Variants in CLASP1 observed in about 807,000 individuals in gnomAD.
CLASP1 encodes the protein CLIP-associating protein 1.
CLASP1 carries 38 observed loss-of-function variants against 192.3 expected under a neutral mutation model. The observed-to-expected ratio is 0.20, with a 90% confidence interval of 0.15 to 0.26. The LOEUF is 0.26. Among genes scored for constraint, CLASP1 ranks in the 10% least tolerant of loss-of-function variants. The pLI is 1.00. For missense variants in CLASP1, 1,433 were observed against 1,932.5 expected (o/e 0.74, Z 4.85); for synonymous variants, 691 against 712.8 (o/e 0.97, Z 0.49).
intron 2 of CLASP1, among the ~76,000 whole-genome samples, chr2:121,596,460 C>T (rs148852861): frequency 1.3e-4 from 20 of 152,192 alleles, no homozygotes; most frequent in Admixed American, 1.1e-3. Context: ...AGGACACAAG[C>T]GGGAAAATAA....
intron 35 of CLASP1, among the ~76,000 whole-genome samples, chr2:121,366,847 A>G (rs2067503005): frequency 6.6e-6 from 1 of 152,326 alleles, no homozygotes; most frequent in African/African-American, 2.4e-5. Flanking sequence ...AAAAAACACC[A>G]TTGTACAAAT....
rs532081602 is a variant in CLASP1 at position 121,612,096 on chromosome 2, G to T, written c.-285-5916C>A. Among the ~76,000 whole-genome samples, 103 of 147,222 alleles carry T rather than the reference G, an allele frequency of 7.0e-4. 1 individual carries two copies. The highest frequency in any genetic ancestry group is 1.3e-3 in the Non-Finnish European group (86 of 66,684). On this transcript the variant is annotated intron_variant, in intron 1 of 39. Coordinates refer to ENST00000263710, the Ensembl canonical transcript of CLASP1. ...AGGAGGAGTTGGAGGAGTTACAGGAGAAAGAGGAACTGGAGGAGGAGGAGG... is the reference window on the plus strand; with the variant it reads ...AGGAGGAGTTGGAGGAGTTACAGGATAAAGAGGAACTGGAGGAGGAGGAGG...
At chr2:121,547,980 C>CA (rs2057637665) in intron 2 of CLASP1, among the ~76,000 whole-genome samples, 1 of 152,114 alleles carries the variant, frequency 6.6e-6, no homozygotes, top group Non-Finnish European at 1.5e-5. Flanking sequence ...TAGAGACAAG[C>CA]AAAAAACCAA....
intron 7 of CLASP1, among the ~76,000 whole-genome samples, chr2:121,506,503 T>TG (rs1372215970): frequency 2.1e-5 from 3 of 144,302 alleles, no homozygotes; most frequent in Admixed American, 6.8e-5. Context: ...AAAAAAAAGG[T>TG]GGGGGGAAGG....
Position 121,633,360 on chromosome 2 carries a change from T to C in CLASP1, c.-286+16012A>G, listed in dbSNP as rs182713796. 8.6e-4 allele frequency among the ~76,000 whole-genome samples: 130 copies of C among 152,006 alleles called. No homozygotes were observed. The East Asian group carries it at 0.015, about 18-fold the overall frequency. On this transcript the variant is annotated intron_variant, in intron 1 of 39. Transcript: ENST00000263710. ...CACATAATAAACTTGTAACTGCAATTCAAAATATTAATAATACCATCACTA... is the reference window on the plus strand; with the variant it reads ...CACATAATAAACTTGTAACTGCAATCCAAAATATTAATAATACCATCACTA...
In CLASP1 at chr2:121,586,633, T is replaced by C. The variant is rs1258558499; in HGVS notation, c.195+19068A>G. On this transcript the variant is annotated intron_variant, in intron 2 of 39. Coordinates refer to ENST00000263710, the Ensembl canonical transcript of CLASP1. ...TTCTTAAACTAAACTATGTTCAATA[T>C]GAATTTAAAAATAAAAAAAAAAAGA... is the stretch of plus-strand genomic sequence containing the variant. 2.6e-5 allele frequency among the ~76,000 whole-genome samples: 4 copies of C among 152,064 alleles called. No individual in the cohort carries two copies. The South Asian group carries it at 6.2e-4, about 24-fold the overall frequency.
chr2:121,450,849 T>C lies in CLASP1; in HGVS notation c.1523+64A>G, dbSNP rs1230130283. On this transcript the variant is annotated intron_variant, in intron 16 of 39. Transcript: ENST00000263710. ...GTAACTTAAGTTTTTAATAAGGCAA[T>C]CCTATAATTCATGTGAAATATAGAA... is the stretch of plus-strand genomic sequence containing the variant. The C allele has an allele frequency of 2.1e-5, 25 of 1,182,546 alleles. No homozygotes were observed. In the Admixed American group the frequency reaches 4.3e-4, roughly 20 times the overall value. The allele number at this position is 1,182,546 out of a possible 1,614,324, so 73.3% of individuals were successfully genotyped here. A position where few individuals can be genotyped will look rare whatever the true frequency, so the allele number is the denominator to read the frequency against.
intron 37 of CLASP1, among the ~76,000 whole-genome samples, chr2:121,362,387 T>C (rs990291337): frequency 3.4e-5 from 5 of 147,800 alleles, no homozygotes; most frequent in Non-Finnish European, 7.4e-5. Context: ...GGCTGAGTTT[T>C]TGCTGAGTGT....
At chr2:121,478,647 CCCACACACACACACCCCCCACACACA>C (rs2091975357) in intron 8 of CLASP1, among the ~76,000 whole-genome samples, 1 of 102,028 alleles carries the variant, frequency 9.8e-6, no homozygotes, top group Non-Finnish European at 1.9e-5. Flanking sequence ...ACACACACCC[CCCACACACACACACCCCCCACACACA>C]CCACACACAC....
intron 19 of CLASP1, among the ~76,000 whole-genome samples, chr2:121,433,704 T>A (rs1437683767): frequency 6.6e-6 from 1 of 151,852 alleles, no homozygotes; most frequent in Non-Finnish European, 1.5e-5. Context: ...TGCAGTGAGC[T>A]GAGATCGTGC....
At chr2:121,439,939 G>A (rs1218924302) in intron 19 of CLASP1, among the ~76,000 whole-genome samples, 1 of 116,592 alleles carries the variant, frequency 8.6e-6, no homozygotes, top group Non-Finnish European at 1.7e-5. Flanking sequence ...GTCGTGGGGT[G>A]GGGGGAGGGG....
At chr2:121,464,253 C>T (rs1171539956) in intron 9 of CLASP1, among the ~76,000 whole-genome samples, 1 of 151,954 alleles carries the variant, frequency 6.6e-6, no homozygotes, top group African/African-American at 2.4e-5. Flanking sequence ...CATTGTTGGA[C>T]ATTTGGGTTG....
intron 8 of CLASP1, among the ~76,000 whole-genome samples, chr2:121,483,850 T>C (rs1266435481): frequency 6.6e-6 from 1 of 152,216 alleles, no homozygotes; most frequent in African/African-American, 2.4e-5. Flanking sequence ...AAACCAAAAA[T>C]AACTTGTTTC....
chr2:121,603,328 C>T (rs920201782), intron 2 of CLASP1, among the ~76,000 whole-genome samples: 3 of 151,880 alleles, frequency 2.0e-5, no homozygotes, highest in Non-Finnish European at 2.9e-5. Context: ...AAAAAATGTT[C>T]GACATCACTA....
At chr2:121,429,966 ATG>A (rs2081107025) in intron 20 of CLASP1, 105 bp downstream of exon 20, 1 of 800,348 alleles carries the variant, frequency 1.2e-6, no homozygotes, top group South Asian at 1.8e-5. Context: ...GCCACAAAAA[ATG>A]TGTTTTTCCC....
chr2:121,400,308 C>T (rs12711550), intron 28 of CLASP1, among the ~76,000 whole-genome samples: 35,993 of 151,950 alleles, frequency 0.24, 6,552 homozygotes, highest in African/African-American at 0.51. Context: ...CTCTGGATAA[C>T]AGAATTCTAG....
intron 1 of CLASP1, among the ~76,000 whole-genome samples, chr2:121,644,827 G>A (rs1362414784): frequency 2.6e-5 from 4 of 151,744 alleles, no homozygotes; most frequent in Non-Finnish European, 4.4e-5. Context: ...GTGTGGTGGT[G>A]CATGCCTGTA....
At chr2:121,564,413 A>G (rs1174329222) in intron 2 of CLASP1, among the ~76,000 whole-genome samples, 1 of 152,196 alleles carries the variant, frequency 6.6e-6, no homozygotes, top group Non-Finnish European at 1.5e-5. Context: ...CTTCACCCTA[A>G]CTTAGAACCA....
exon 31 of CLASP1, chr2:121,387,768 T>C: frequency 6.2e-7 from 1 of 1,613,966 alleles, no homozygotes; most frequent in Non-Finnish European, 8.5e-7. Context: ...CTCACCACAC[T>C]GGTGTTACTG....
Sources: gnomAD v4.1 joint callset for allele counts (sites outside exome capture counted in the v4.1 genomes callset) on GRCh38, gnomAD v4.1.1 for gene constraint, MANE v1.5 for transcripts, NCBI Gene and HGNC (gene_info 2026-07-23, HGNC 2026-07-21) for gene names.